The following TENM4 variants were observed in gnomAD, a reference collection of about 807,000 sequenced individuals.
TENM4 encodes teneurin transmembrane protein 4, also known as teneurin-4.
Under a neutral mutation model 243.3 loss-of-function variants are expected in TENM4, and 82 were observed. The ratio of observed to expected loss-of-function variants is 0.34; its 90% CI spans 0.28 to 0.40. TENM4 has a LOEUF of 0.40. Among genes scored for constraint, TENM4 ranks in the 10% least tolerant of loss-of-function variants. TENM4 has a pLI of 1.00. For synonymous variants in TENM4, 1,412 were observed against 1,456.3 expected, an observed-to-expected ratio of 0.97 and a Z score of 0.69; for missense variants, 3,138 against 3,673.3, an observed-to-expected ratio of 0.85 and a Z score of 3.77.
intron 3 of TENM4, among the ~76,000 whole-genome samples, chr11:79,164,012 A>G (rs1189639053): frequency 1.4e-3 from 42 of 31,106 alleles, no homozygotes; most frequent in African/African-American, 2.9e-3. Context: ...AGTATATAGT[A>G]TATATATAGT....
chr11:78,975,647 C>T (rs1857639734), intron 6 of TENM4, among the ~76,000 whole-genome samples: 1 of 151,752 alleles, frequency 6.6e-6, no homozygotes, highest in Admixed American at 6.6e-5. Context: ...TTCCTCCCTC[C>T]ATTCAATTTA....
chr11:79,045,524 A>C (rs1859634547), intron 6 of TENM4, among the ~76,000 whole-genome samples: 1 of 152,148 alleles, frequency 6.6e-6, no homozygotes, highest in African/African-American at 2.4e-5. Context: ...AGAGAGACAA[A>C]GAGACATGCA....
chr11:78,807,836 T>G (rs1009993284), intron 14 of TENM4, among the ~76,000 whole-genome samples: 1 of 152,138 alleles, frequency 6.6e-6, no homozygotes, highest in African/African-American at 2.4e-5. Flanking sequence ...AGGGACAAAA[T>G]GTACTGGTTC....
intron 1 of TENM4, among the ~76,000 whole-genome samples, chr11:79,321,356 T>G (rs745957235): frequency 3.9e-5 from 6 of 152,140 alleles, no homozygotes; most frequent in Non-Finnish European, 8.8e-5. Flanking sequence ...CTCAAACGCT[T>G]CCCAAATTGC....
chr11:79,165,330 A>G (rs1463758676), intron 3 of TENM4, among the ~76,000 whole-genome samples: 1 of 152,094 alleles, frequency 6.6e-6, no homozygotes, highest in African/African-American at 2.4e-5. Flanking sequence ...TTGATTACGG[A>G]CATTCTTGCA....
chr11:79,245,938 T>TAAAAAAAAAAAAAAA (rs1199883938), intron 2 of TENM4, among the ~76,000 whole-genome samples: 6 of 64,880 alleles, frequency 9.2e-5, no homozygotes, highest in Admixed American at 1.9e-4. Context: ...AGACTTTGTC[T>TAAAAAAAAAAAAAAA]AAAAAAAAAA....
rs531348723 is a variant in TENM4, at chr11:79,046,901, C to T, written c.493+17837G>A. Reference sequence around the variant, plus strand: ...CACCCAATAAATATGAGTTCTATTCCCTTGTTTCTTCTTTCTGGGCCTCCA... The same window carrying T: ...CACCCAATAAATATGAGTTCTATTCTCTTGTTTCTTCTTTCTGGGCCTCCA... On this transcript the variant is annotated intron_variant, in intron 6 of 33. Coordinates refer to ENST00000278550, the MANE Select transcript of TENM4 (RefSeq NM_001098816.3). 1.6e-4 allele frequency among the ~76,000 whole-genome samples: 25 copies of T among 152,230 alleles called. No individual in the cohort carries two copies. The South Asian group carries it at 5.2e-3, about 32-fold the overall frequency.
chr11:79,155,971 A>T (rs1255125727), intron 3 of TENM4, among the ~76,000 whole-genome samples: 2 of 151,846 alleles, frequency 1.3e-5, no homozygotes, highest in Admixed American at 1.3e-4. Flanking sequence ...CATGTTGTCT[A>T]CTATAGAACT....
chr11:79,221,449 TA>T (rs1005180710), intron 2 of TENM4, among the ~76,000 whole-genome samples: 5 of 150,184 alleles, frequency 3.3e-5, no homozygotes, highest in Non-Finnish European at 3.0e-5. Flanking sequence ...ATTTTCACAT[TA>T]AAAAGGGGGA....
intron 6 of TENM4, among the ~76,000 whole-genome samples, chr11:79,045,607 G>C (rs1859637082): frequency 6.6e-6 from 1 of 152,212 alleles, no homozygotes; most frequent in South Asian, 2.1e-4. Flanking sequence ...GGCTGCAGAG[G>C]AGCCCGGCTT....
chr11:79,110,452 T>C (rs1861479189), intron 4 of TENM4, among the ~76,000 whole-genome samples: 2 of 152,196 alleles, frequency 1.3e-5, no homozygotes, highest in Non-Finnish European at 2.9e-5. Flanking sequence ...TGCAGCCTGG[T>C]ACCTAGAGTC....
intron 3 of TENM4, among the ~76,000 whole-genome samples, chr11:79,202,081 G>C (rs781372769): frequency 4.6e-5 from 7 of 152,206 alleles, no homozygotes; most frequent in Non-Finnish European, 7.3e-5. Flanking sequence ...GACTGGGGAA[G>C]TGGGTGGGGG....
At chr11:79,019,251 A>G (rs1180628842) in intron 6 of TENM4, among the ~76,000 whole-genome samples, 2 of 152,148 alleles carry the variant, frequency 1.3e-5, no homozygotes, top group Non-Finnish European at 2.9e-5. Context: ...TAGGTAGAGG[A>G]CGGCAGCAAG....
At chr11:78,911,306 C>G (rs142706146) in intron 6 of TENM4, among the ~76,000 whole-genome samples, 1 of 152,278 alleles carries the variant, frequency 6.6e-6, no homozygotes, top group Non-Finnish European at 1.5e-5. Flanking sequence ...GATGGGTAAA[C>G]AGCTACTGTA....
intron 1 of TENM4, among the ~76,000 whole-genome samples, chr11:79,398,831 G>A (rs1858400288): frequency 6.6e-6 from 1 of 150,558 alleles, no homozygotes; most frequent in African/African-American, 2.4e-5. Context: ...GGCCCAAGTA[G>A]AGGCTGGTAG....
intron 1 of TENM4, among the ~76,000 whole-genome samples, chr11:79,378,000 C>A (rs956100474): frequency 1.3e-5 from 2 of 152,206 alleles, no homozygotes; most frequent in Admixed American, 6.5e-5. Flanking sequence ...ACACTAAACA[C>A]AGTTGAACAT....
At chr11:78,755,389 G>A (rs974340141) in intron 19 of TENM4, among the ~76,000 whole-genome samples, 6 of 151,978 alleles carry the variant, frequency 3.9e-5, no homozygotes, top group African/African-American at 1.5e-4. Flanking sequence ...GGCTGGTCTC[G>A]AACTCCCGGG....
chr11:78,875,957 A>C (rs1452598981), intron 9 of TENM4, among the ~76,000 whole-genome samples: 1 of 152,196 alleles, frequency 6.6e-6, no homozygotes. Context: ...CAGAAGGGCA[A>C]TGTGGCCCTT....
rs1001445184 is a variant in TENM4 at position 79,064,955 on chromosome 11, G to A, written c.276C>T (p.His92=). 5.1e-5 allele frequency: 75 copies of A among 1,484,082 alleles called. No individual in the cohort carries two copies. The highest frequency in any genetic ancestry group is 7.1e-5 in the Admixed American group (3 of 42,108). 91.9% of individuals were successfully genotyped at this position (1,484,082 alleles called of 1,614,324 possible). ...CAATGTCTGTCCGGTACAGGGTCCC[G>A]TGAGGGGGCGTTACTTCTTCCAGCC... ...ELGLEEVTPP[H]GTLYRTDIGL... is the part of the protein sequence containing the mutation. The change falls in exon 6 of 34, where the codon CAC becomes CAT. Residue 92 remains histidine (H), a synonymous_variant. Coordinates refer to ENST00000278550, the MANE Select transcript of TENM4 (RefSeq NM_001098816.3).
Sources: allele counts gnomAD v4.1 joint callset (sites outside exome capture counted in the v4.1 genomes callset), GRCh38; gene constraint gnomAD v4.1.1; transcripts MANE v1.5; gene names NCBI Gene and HGNC (gene_info 2026-07-23, HGNC 2026-07-21).